SOX6: variants seen among roughly 807,000 people sequenced by gnomAD.
SOX6 encodes the protein transcription factor SOX-6.
In SOX6, 11 loss-of-function variants were observed where a neutral mutation model predicts 97.8. The ratio of observed to expected loss-of-function variants is 0.11; its 90% confidence interval spans 0.07 to 0.19. The LOEUF (loss-of-function observed/expected upper bound fraction) is 0.19. Among genes scored for constraint, SOX6 ranks in the 10% least tolerant of loss-of-function variants. SOX6 has a pLI of 1.00. For missense variants in SOX6, 810 were observed against 1,039.5 expected (o/e 0.78, Z 3.04); for synonymous variants, 360 against 371.4 (o/e 0.97, Z 0.35).
intron 7 of SOX6, among the ~76,000 whole-genome samples, chr11:16,103,942 T>A (rs1376521361): frequency 6.6e-6 from 1 of 151,680 alleles, no homozygotes; most frequent in East Asian, 1.9e-4. Flanking sequence ...GGGTGATGGG[T>A]GCACCAAAAT....
chr11:16,559,480 A>AAACCT, intron 4 of SOX6, among the ~76,000 whole-genome samples: 1 of 151,200 alleles, frequency 6.6e-6, no homozygotes, highest in East Asian at 2.2e-4. Context: ...GTGACCTTTG[A>AAACCT]TTGGAACCAC....
intron 1 of SOX6, among the ~76,000 whole-genome samples, chr11:16,401,661 G>A (rs1858561479): frequency 6.6e-6 from 1 of 151,418 alleles, no homozygotes; most frequent in Non-Finnish European, 1.5e-5. Flanking sequence ...GAACTCAAAA[G>A]TCATTAAGCT....
rs1012673033 is a variant in SOX6, at chr11:16,605,423, C to G, written n.609+6658G>C. On this transcript the variant is annotated intron_variant and non_coding_transcript_variant, in intron 4 of 5. Transcript: ENST00000524520. The surrounding 1 kb of genome is among the most constrained non-coding windows in gnomAD (Gnocchi z 5.3). ...TTGGATTTCGGATGGGCTTGGAATTCGGTTTGTTTATTCCTGAAAAGATCA... is the reference window on the plus strand; with the variant it reads ...TTGGATTTCGGATGGGCTTGGAATTGGGTTTGTTTATTCCTGAAAAGATCA... Among the ~76,000 whole-genome samples the G allele has an allele frequency of 2.6e-5, 4 of 151,888 alleles. No individual in the cohort carries two copies. Among genetic ancestry groups the G allele is most frequent in the Non-Finnish European group, 5.9e-5 (4 of 67,978 alleles).
intron 4 of SOX6, among the ~76,000 whole-genome samples, chr11:16,545,055 T>C (rs546154976): frequency 1.3e-5 from 2 of 152,032 alleles, no homozygotes; most frequent in East Asian, 3.9e-4. Flanking sequence ...AGACCCCATA[T>C]CATTTTTTAA....
At chr11:16,340,343 T>G (rs1477543721) in intron 2 of SOX6, among the ~76,000 whole-genome samples, 1 of 152,096 alleles carries the variant, frequency 6.6e-6, no homozygotes, top group Non-Finnish European at 1.5e-5. Flanking sequence ...TGCTTTGAAC[T>G]AGATAATTAA....
At chr11:16,309,050 A>T (rs1289912240) in intron 3 of SOX6, among the ~76,000 whole-genome samples, 1 of 152,224 alleles carries the variant, frequency 6.6e-6, no homozygotes, top group African/African-American at 2.4e-5. Flanking sequence ...AGGCGCATGC[A>T]TGCACGTGCG....
intron 3 of SOX6, chr11:16,646,102 G>T (rs1196351079): frequency 6.6e-6 from 1 of 152,128 alleles, no homozygotes; most frequent in Non-Finnish European, 1.5e-5. Flanking sequence ...TGGGTTCCAG[G>T]CTGAATTAAC....
chr11:16,160,174 A>G (rs760562545), intron 6 of SOX6, among the ~76,000 whole-genome samples: 3 of 152,206 alleles, frequency 2.0e-5, no homozygotes, highest in Non-Finnish European at 4.4e-5. Flanking sequence ...AGGAAAGAGA[A>G]GAAGACAAGA....
At chr11:16,206,930 A>G (rs957499779) in intron 4 of SOX6, among the ~76,000 whole-genome samples, 6 of 152,092 alleles carry the variant, frequency 3.9e-5, no homozygotes, top group African/African-American at 1.4e-4. Context: ...CTCAACTAAT[A>G]AAGTCCAGAC....
intron 4 of SOX6, chr11:16,576,980 A>G (rs1289917178): frequency 1.3e-5 from 2 of 152,236 alleles, no homozygotes; most frequent in East Asian, 1.9e-4. Context: ...TTCGACATCA[A>G]TATGGTGACC....
At chr11:16,124,452 G>C (rs1328117166) in intron 6 of SOX6, among the ~76,000 whole-genome samples, 1 of 152,116 alleles carries the variant, frequency 6.6e-6, no homozygotes, top group Non-Finnish European at 1.5e-5. Flanking sequence ...ATGAAAGGCA[G>C]AAAGTTGGAG....
At chr11:16,473,981 AT>A (rs1860190392) in intron 1 of SOX6, among the ~76,000 whole-genome samples, 1 of 152,154 alleles carries the variant, frequency 6.6e-6, no homozygotes, top group Non-Finnish European at 1.5e-5. Context: ...AATATTCTAA[AT>A]CCTTTGTTGT....
At chr11:16,177,057 T>G (rs961700049) in intron 6 of SOX6, among the ~76,000 whole-genome samples, 15 of 151,886 alleles carry the variant, frequency 9.9e-5, no homozygotes, top group African/African-American at 3.4e-4. Context: ...AACTTTTTAT[T>G]TTACCAAATA....
intron 7 of SOX6, among the ~76,000 whole-genome samples, chr11:16,104,288 G>C (rs1244634853): frequency 3.3e-5 from 5 of 151,946 alleles, no homozygotes; most frequent in Admixed American, 2.0e-4. Flanking sequence ...GGAAGAGACA[G>C]AAATGAGTGG....
chr11:16,211,443 T>A (rs1852227032), intron 4 of SOX6, among the ~76,000 whole-genome samples: 1 of 118,960 alleles, frequency 8.4e-6, no homozygotes. Context: ...GCTGGATAAT[T>A]TGAGGAGAGT....
intron 11 of SOX6, 22 bp downstream of exon 11, chr11:16,049,733 T>C (rs1321022803): frequency 6.2e-7 from 1 of 1,612,758 alleles, no homozygotes; most frequent in Non-Finnish European, 8.5e-7. Flanking sequence ...AGTCTCTTCC[T>C]GGTGTTGACT....
At chr11:16,535,866 A>G (rs1861301104) in intron 4 of SOX6, among the ~76,000 whole-genome samples, 1 of 152,228 alleles carries the variant, frequency 6.6e-6, no homozygotes. Context: ...ACAACCAATC[A>G]ACAATTCTAC....
At chr11:16,230,045 C>T (rs570962313) in intron 4 of SOX6, among the ~76,000 whole-genome samples, 30 of 151,708 alleles carry the variant, frequency 2.0e-4, no homozygotes, top group African/African-American at 6.0e-4. Context: ...GACTATACCA[C>T]GACTAATCAG....
chr11:16,306,627 C>T (rs146327720), intron 3 of SOX6, among the ~76,000 whole-genome samples: 1,923 of 104,434 alleles, frequency 0.018, 3 homozygotes, highest in Middle Eastern at 0.032. Flanking sequence ...TTTTTTTTTT[C>T]TTTTTTTTTT....
Sources: allele counts gnomAD v4.1 joint callset (sites outside exome capture counted in the v4.1 genomes callset), GRCh38; gene constraint gnomAD v4.1.1; non-coding constraint Gnocchi (gnomAD v3.1); transcripts MANE v1.5; gene names NCBI Gene and HGNC (gene_info 2026-07-23, HGNC 2026-07-21).